Variants in NEIL3 observed in about 807,000 individuals in gnomAD.
NEIL3 encodes the protein nei like DNA glycosylase 3.
Under a neutral mutation model 57.5 loss-of-function variants are expected in NEIL3, and 48 were observed. The observed-to-expected ratio is 0.83, with a 90% CI of 0.66 to 1.06. The LOEUF (loss-of-function observed/expected upper bound fraction) is 1.06, where lower values mean the gene tolerates loss of function less well. NEIL3 is among the 50% of genes least tolerant of loss of function. NEIL3 has a pLI of 0.00. For synonymous variants in NEIL3, 261 were observed against 253.2 expected (o/e 1.03, Z -0.29); for missense variants, 717 against 739.1 (o/e 0.97, Z 0.35).
intron 1 of NEIL3, among the ~76,000 whole-genome samples, chr4:177,317,355 A>G (rs1267315713): frequency 1.3e-5 from 2 of 152,208 alleles, no homozygotes; most frequent in Non-Finnish European, 2.9e-5. Context: ...CTAGGACAAC[A>G]TATTTCAATT....
At chr4:177,334,917 T>A (rs538087080) in intron 2 of NEIL3, among the ~76,000 whole-genome samples, 77 of 152,302 alleles carry the variant, frequency 5.1e-4, no homozygotes, top group African/African-American at 1.6e-3. Flanking sequence ...CTACTTTTTT[T>A]AAAAACTGGA....
intron 1 of NEIL3, among the ~76,000 whole-genome samples, chr4:177,317,223 T>G (rs1734590975): frequency 6.6e-6 from 1 of 152,226 alleles, no homozygotes; most frequent in East Asian, 1.9e-4. Flanking sequence ...TTTCATTTTT[T>G]AAAGATCATA....
Position 177,362,301 on chromosome 4 carries a change from TC to T in NEIL3, c.1650del (p.Phe551SerfsTer12). ...QCGFFEWADL[S>X]FPFCNHGKRS... is the part of the protein sequence containing the mutation. ...TTTTTTCCTGCAGTGGGCAGATTTG[TC>T]CTTCCCATTCTGCAACCATGGCAAG... On this transcript the variant is annotated frameshift_variant, in exon 10 of 10. Transcript: ENST00000264596. LOFTEE classifies it high-confidence loss of function. 6.2e-7 allele frequency: 1 copy of T among 1,604,112 alleles called. No homozygotes were observed. The highest frequency in any genetic ancestry group is 1.1e-5 in the South Asian group (1 of 88,480).
chr4:177,322,602 C>CATCTT, intron 2 of NEIL3, 22 bp downstream of exon 2: 1 of 1,613,298 alleles, frequency 6.2e-7, no homozygotes, highest in Non-Finnish European at 8.5e-7. Flanking sequence ...CTGTACGATA[C>CATCTT]ATCTTATCTC....
downstream of NEIL3, among the ~76,000 whole-genome samples, chr4:177,364,176 G>T (rs1391234135): frequency 1.3e-5 from 2 of 148,198 alleles, no homozygotes; most frequent in East Asian, 3.9e-4. Flanking sequence ...ATTCTATTAT[G>T]ATAAAATTTC....
At chr4:177,326,927 C>CA (rs1734791362) in intron 2 of NEIL3, among the ~76,000 whole-genome samples, 1 of 152,072 alleles carries the variant, frequency 6.6e-6, no homozygotes, top group Non-Finnish European at 1.5e-5. Context: ...TCTGTGTTCC[C>CA]ACCCAGATTT....
At position 177,351,527 on chromosome 4, in the gene NEIL3, T is replaced by C. The variant is rs1735352799; in HGVS notation, c.1017T>C (p.Ala339=). 6.2e-7 allele frequency: 1 copy of C among 1,613,302 alleles called. No homozygotes were observed. The highest frequency in any genetic ancestry group is 1.7e-5 in the Admixed American group (1 of 59,818). Residue 339 remains alanine (A), a synonymous_variant, in exon 7 of 10, where the codon GCT becomes GCC. Transcript: ENST00000264596. ...AGCCCTCTTCTAAGGCATGTGATGC[T>C]TGCTTGACCTCAAGGCCTATTGGTA... is the stretch of plus-strand genomic sequence containing the variant. ...INKPSSKACD[A]CLTSRPIDSV...
rs2110946582 is a variant in NEIL3, at chr4:177,362,300, G to A, written c.1647G>A (p.Leu549=). 1 of 1,602,998 alleles carries A rather than the reference G, an allele frequency of 6.2e-7. No homozygotes were observed. The highest frequency in any genetic ancestry group is 2.2e-5 in the East Asian group (1 of 44,596). The change falls in exon 10 of 10, where the codon TTG becomes TTA. Residue 549 remains leucine, a synonymous_variant. Coordinates refer to ENST00000264596, the MANE Select transcript of NEIL3 (RefSeq NM_018248.3). ...TTTTTTTCCTGCAGTGGGCAGATTT[G>A]TCCTTCCCATTCTGCAACCATGGCA... ...AQCGFFEWAD[L]SFPFCNHGKR...
At position 177,361,041 on chromosome 4, in the gene NEIL3, CA is replaced by C. The variant is rs370000283; in HGVS notation, c.1635+368del. 2.9e-3 allele frequency among the ~76,000 whole-genome samples: 447 copies of C among 152,310 alleles called. 3 individuals are homozygous for C. The highest frequency in any genetic ancestry group is 0.023 in the South Asian group (113 of 4,820). On this transcript the variant is annotated intron_variant, in intron 9 of 9. Transcript: ENST00000264596. ...GTTCTTCCTAACTTCAGCGCTACATCAAAACCTTTGGTTTATGCATTGGATA... is the reference window on the plus strand; with the variant it reads ...GTTCTTCCTAACTTCAGCGCTACATCAAACCTTTGGTTTATGCATTGGATA...
intron 2 of NEIL3, among the ~76,000 whole-genome samples, chr4:177,327,009 G>A (rs1435352585): frequency 6.6e-6 from 1 of 151,968 alleles, no homozygotes; most frequent in Admixed American, 6.6e-5. Flanking sequence ...AGGGAAAGAG[G>A]CGACTGGATC....
chr4:177,357,604 A>G (rs536241087), intron 8 of NEIL3, among the ~76,000 whole-genome samples: 113 of 152,292 alleles, frequency 7.4e-4, no homozygotes, highest in African/African-American at 7.2e-4. Context: ...TTATTTATTA[A>G]TAAGTATTGA....
chr4:177,324,248 C>T (rs1470464831), intron 2 of NEIL3, among the ~76,000 whole-genome samples: 1 of 152,150 alleles, frequency 6.6e-6, no homozygotes, highest in Non-Finnish European at 1.5e-5. Context: ...CCACCTGGCT[C>T]ATCTGCATTT....
chr4:177,313,746 C>T (rs945152832), intron 1 of NEIL3, among the ~76,000 whole-genome samples: 2 of 152,126 alleles, frequency 1.3e-5, no homozygotes, highest in Non-Finnish European at 2.9e-5. Context: ...AAATTTGATA[C>T]ATGTATTTAA....
rs550498867 is a variant in NEIL3, at chr4:177,323,724, T to C, written c.278+1144T>C. ...AGTACACAATGGGATCTATGCACGA[T>C]AGTTGAAAACATTGATATGTTATTG... On this transcript the variant is annotated intron_variant, in intron 2 of 9. Transcript: ENST00000264596. 8.7e-4 allele frequency among the ~76,000 whole-genome samples: 133 copies of C among 152,266 alleles called. 1 individual carries two copies. The highest frequency in any genetic ancestry group is 2.9e-5 in the Non-Finnish European group (2 of 68,012).
intron 2 of NEIL3, among the ~76,000 whole-genome samples, chr4:177,325,938 G>A (rs80078141): frequency 0.092 from 13,977 of 152,074 alleles, 794 homozygotes; most frequent in Middle Eastern, 0.21. Context: ...TATTCTAGAT[G>A]TCAGTCATTT....
intron 5 of NEIL3, among the ~76,000 whole-genome samples, chr4:177,340,263 G>C (rs1735066065): frequency 6.6e-6 from 1 of 152,126 alleles, no homozygotes; most frequent in Non-Finnish European, 1.5e-5. Flanking sequence ...TACTATCTGT[G>C]TGGTTTAGAT....
chr4:177,369,196 C>T, the NEIL3 span, among the ~76,000 whole-genome samples: 2 of 152,088 alleles, frequency 1.3e-5, no homozygotes, highest in Non-Finnish European at 2.9e-5. Context: ...ACATATGAGT[C>T]AGGAGCTAGG....
In NEIL3 at chr4:177,348,858, A is replaced by ATTTTTTTTTTTTTTTTTTTTTTTTTT. The variant is rs749391559; in HGVS notation, c.870-2520_870-2495dup. On this transcript the variant is annotated intron_variant, in intron 6 of 9. Transcript: ENST00000264596. The stretch of plus-strand genomic sequence containing the variant: ...AGAATTGCAGATTGGTGGCTCATGA[A>ATTTTTTTTTTTTTTTTTTTTTTTTTT]TTTTTTTTTTTTTTTTTTTTTTTTT... Among the ~76,000 whole-genome samples the ATTTTTTTTTTTTTTTTTTTTTTTTTT allele has an allele frequency of 8.1e-5, 6 of 73,734 alleles. 1 individual carries two copies. The highest frequency in any genetic ancestry group is 1.8e-4 in the African/African-American group (3 of 16,566). The allele number at this position is 73,734 out of a possible 152,430, so 48.4% of individuals were successfully genotyped here.
At chr4:177,316,099 AG>A (rs1237741875) in intron 1 of NEIL3, among the ~76,000 whole-genome samples, 3 of 152,226 alleles carry the variant, frequency 2.0e-5, no homozygotes, top group Non-Finnish European at 4.4e-5. Flanking sequence ...GTACAGTAGG[AG>A]ATTAATAGCA....
Sources: allele counts gnomAD v4.1 joint callset (sites outside exome capture counted in the v4.1 genomes callset), GRCh38; gene constraint gnomAD v4.1.1; transcripts MANE v1.5; gene names NCBI Gene and HGNC (gene_info 2026-07-23, HGNC 2026-07-21).